AFF2: variants seen among roughly 807,000 people sequenced by gnomAD.
AFF2 encodes AF4/FMR2 family member 2.
A neutral mutation model predicts 76.9 loss-of-function variants in AFF2; 14 were observed. That is an observed-to-expected ratio of 0.18 (90% CI 0.12 to 0.28). AFF2 has a LOEUF of 0.28. AFF2 is among the 10% of genes least tolerant of loss of function. AFF2 has a pLI of 1.00. For missense variants in AFF2, 868 were observed against 1,001.1 expected (o/e 0.87, Z 1.79); for synonymous variants, 398 against 366.7 (o/e 1.09, Z -0.98).
At position 148,727,661 on chromosome X, in the gene AFF2, C is replaced by T. The variant is rs139594700; in HGVS notation, c.1041+64893C>T. On this transcript the variant is annotated intron_variant, in intron 3 of 20. Transcript: ENST00000370460. ...CACGTTGAAAATCACTCTAAATAAA[C>T]GAGTAGCAATGTATAGAATTAAAGA... Among the ~76,000 whole-genome samples the T allele has an allele frequency of 2.9e-3, 318 of 111,264 alleles. 2 individuals carry two copies. Among genetic ancestry groups the T allele is most frequent in the Non-Finnish European group, 5.0e-3 (266 of 52,911 alleles).
intron 1 of AFF2, among the ~76,000 whole-genome samples, chrX:148,584,785 C>T (rs2053450045): frequency 9.1e-6 from 1 of 110,248 alleles, no homozygotes; most frequent in Admixed American, 9.7e-5. Flanking sequence ...GTGATCCGCC[C>T]GCCTCGGCCT....
chrX:148,707,474 A>C (rs781976279), intron 3 of AFF2, among the ~76,000 whole-genome samples: 26 of 110,935 alleles, frequency 2.3e-4, no homozygotes, highest in Non-Finnish European at 2.8e-4. Context: ...ATATCACTAT[A>C]GAACTGAAAA....
chrX:148,936,267 T>C (rs1557285029), intron 9 of AFF2, among the ~76,000 whole-genome samples: 1 of 112,108 alleles, frequency 8.9e-6, no homozygotes, highest in East Asian at 2.8e-4. Context: ...TGTCAAACCA[T>C]ATTAGTCCTA....
intron 8 of AFF2, among the ~76,000 whole-genome samples, chrX:148,899,462 C>T (rs1252532568): frequency 7.2e-5 from 8 of 111,260 alleles, no homozygotes; most frequent in Non-Finnish European, 1.3e-4. Flanking sequence ...TATAGCTGTG[C>T]CCCACAGAAC....
intron 3 of AFF2, among the ~76,000 whole-genome samples, chrX:148,738,311 G>T (rs192546662): frequency 8.1e-5 from 9 of 111,050 alleles, no homozygotes; most frequent in Admixed American, 4.8e-4. Context: ...TTATTGGTCT[G>T]TTAAGAGTAT....
chrX:148,897,594 AT>A (rs2071309583), intron 8 of AFF2, among the ~76,000 whole-genome samples: 1 of 109,009 alleles, frequency 9.2e-6, no homozygotes, highest in South Asian at 4.1e-4. Context: ...TTTTATCAGT[AT>A]TTCCTGCCAA....
At chrX:148,509,145 T>C (rs781883536) in intron 1 of AFF2, among the ~76,000 whole-genome samples, 9 of 111,558 alleles carry the variant, frequency 8.1e-5, no homozygotes, top group Non-Finnish European at 1.5e-4. Context: ...AGAATTTACA[T>C]TGGAAAGTAT....
chrX:148,797,563 G>A (rs1191423867), intron 3 of AFF2, among the ~76,000 whole-genome samples: 1 of 112,024 alleles, frequency 8.9e-6, no homozygotes, highest in Non-Finnish European at 1.9e-5. Context: ...AAATGCCAAA[G>A]TCACTCTCTA....
intron 7 of AFF2, among the ~76,000 whole-genome samples, chrX:148,872,075 C>T (rs1335969440): frequency 5.4e-5 from 6 of 110,331 alleles, no homozygotes; most frequent in Non-Finnish European, 1.1e-4. Context: ...ACCAGCTCTC[C>T]GTTCTTCTCT....
intron 1 of AFF2, among the ~76,000 whole-genome samples, chrX:148,539,016 T>C (rs2124262060): frequency 8.9e-6 from 1 of 111,923 alleles, no homozygotes; most frequent in East Asian, 2.8e-4. Flanking sequence ...GAGCAGAGTA[T>C]TTATGGCTAG....
At chrX:148,968,315 C>G (rs2072206642) in intron 15 of AFF2, among the ~76,000 whole-genome samples, 1 of 111,398 alleles carries the variant, frequency 9.0e-6, no homozygotes, top group Admixed American at 9.5e-5. Context: ...TTGGCTGAGG[C>G]TCCTAACAGT....
intron 3 of AFF2, among the ~76,000 whole-genome samples, chrX:148,769,011 G>T (rs140678635): frequency 0.018 from 1,989 of 111,455 alleles, 21 homozygotes; most frequent in Middle Eastern, 0.05. Context: ...TCATTTAAAG[G>T]TGACAAAATT....
intron 1 of AFF2, among the ~76,000 whole-genome samples, chrX:148,516,633 A>T (rs535594669): frequency 1.8e-5 from 2 of 112,125 alleles, no homozygotes; most frequent in South Asian, 7.5e-4. Flanking sequence ...CTTGAGAAGT[A>T]GTAGGCAAGC....
At chrX:148,986,673 CT>C (rs2072476044) in intron 19 of AFF2, among the ~76,000 whole-genome samples, 1 of 112,938 alleles carries the variant, frequency 8.9e-6, no homozygotes, top group Non-Finnish European at 1.9e-5. Flanking sequence ...AAGAATTGCA[CT>C]TTGCTTATTG....
At chrX:148,822,562 G>A (rs2070341225) in intron 4 of AFF2, 2 of 110,830 alleles carry the variant, frequency 1.8e-5, no homozygotes, top group Non-Finnish European at 3.8e-5. Flanking sequence ...TAAAGACAGG[G>A]CCCCATATGC....
chrX:148,708,950 A>C (rs2054923628), intron 3 of AFF2, among the ~76,000 whole-genome samples: 1 of 111,936 alleles, frequency 8.9e-6, no homozygotes, highest in Admixed American at 9.5e-5. Context: ...AATGTAATTT[A>C]TGTTAGATTT....
chrX:148,864,491 G>T (rs2070884882), intron 7 of AFF2, among the ~76,000 whole-genome samples: 1 of 111,665 alleles, frequency 9.0e-6, no homozygotes, highest in African/African-American at 3.3e-5. Flanking sequence ...TTTTTCCCAT[G>T]AACTCCATTC....
intron 3 of AFF2, among the ~76,000 whole-genome samples, chrX:148,676,803 A>G (rs782176739): frequency 1.2e-4 from 13 of 111,743 alleles, no homozygotes; most frequent in Non-Finnish European, 2.4e-4. Flanking sequence ...GAGACACAAG[A>G]GTCAGCTGTG....
At chrX:148,516,477 C>T (rs1355718168) in intron 1 of AFF2, among the ~76,000 whole-genome samples, 1 of 111,848 alleles carries the variant, frequency 8.9e-6, no homozygotes, top group African/African-American at 3.2e-5. Flanking sequence ...AAGCCTGATG[C>T]TTCCTGTGAA....
Sources: gnomAD v4.1 joint callset for allele counts (sites outside exome capture counted in the v4.1 genomes callset) on GRCh38, gnomAD v4.1.1 for gene constraint, MANE v1.5 for transcripts, NCBI Gene and HGNC (gene_info 2026-07-23, HGNC 2026-07-21) for gene names.